Variants in EPHA5 observed in about 807,000 individuals in gnomAD.
EPHA5 encodes ephrin type-A receptor 5.
Under a neutral mutation model 105.0 loss-of-function variants are expected in EPHA5, and 60 were observed. The observed-to-expected ratio is 0.57, with a 90% CI of 0.46 to 0.71. The LOEUF (loss-of-function observed/expected upper bound fraction) is 0.71, where lower values mean the gene tolerates loss of function less well. EPHA5 is among the 30% of genes least tolerant of loss of function. The pLI is 0.00. For synonymous variants in EPHA5, 513 were observed against 449.1 expected (o/e 1.14, Z -1.80); for missense variants, 1,218 against 1,274.7 (o/e 0.96, Z 0.68).
chr4:65,328,929 A>G (rs1285620664), intron 16 of EPHA5, among the ~76,000 whole-genome samples: 3 of 151,188 alleles, frequency 2.0e-5, no homozygotes, highest in African/African-American at 7.3e-5. Flanking sequence ...CTTTCATTTT[A>G]TTAGTTTAAG....
At chr4:65,460,408 T>C (rs1400731844) in intron 5 of EPHA5, among the ~76,000 whole-genome samples, 1 of 151,124 alleles carries the variant, frequency 6.6e-6, no homozygotes, top group African/African-American at 2.4e-5. Flanking sequence ...ATGTCTCAGA[T>C]TTTTAGCTTT....
intron 7 of EPHA5, among the ~76,000 whole-genome samples, chr4:65,407,746 A>G (rs1364274544): frequency 6.6e-6 from 1 of 151,014 alleles, no homozygotes; most frequent in East Asian, 1.9e-4. Context: ...AAAGTCCTTG[A>G]TGGGTTTTAC....
chr4:65,544,933 T>A (rs1414040923), intron 3 of EPHA5, among the ~76,000 whole-genome samples: 1 of 78,616 alleles, frequency 1.3e-5, no homozygotes, highest in African/African-American at 4.7e-5. Flanking sequence ...GGGACATGGA[T>A]GAAGCTGGAA....
intron 5 of EPHA5, among the ~76,000 whole-genome samples, chr4:65,472,610 C>T (rs1438376136): frequency 1.3e-5 from 2 of 152,210 alleles, no homozygotes; most frequent in Admixed American, 1.3e-4. Context: ...TTGGGGCTTG[C>T]ACCCTCTGAA....
At chr4:65,475,064 G>T (rs1023572045) in intron 5 of EPHA5, among the ~76,000 whole-genome samples, 7 of 152,048 alleles carry the variant, frequency 4.6e-5, no homozygotes, top group African/African-American at 1.7e-4. Flanking sequence ...AAAAGATAGC[G>T]TAAACAAGTC....
At chr4:65,416,499 C>T (rs367881980) in intron 6 of EPHA5, among the ~76,000 whole-genome samples, 1 of 92,848 alleles carries the variant, frequency 1.1e-5, no homozygotes, top group African/African-American at 3.6e-5. Flanking sequence ...AAGTAAAAAA[C>T]GAAACAATTT....
At chr4:65,640,535 C>T (rs1276123652) in intron 2 of EPHA5, among the ~76,000 whole-genome samples, 1 of 152,136 alleles carries the variant, frequency 6.6e-6, no homozygotes, top group Admixed American at 6.5e-5. Context: ...ATCCACCCGC[C>T]TCGGCCTCCC....
chr4:65,335,912 A>C lies in EPHA5; in HGVS notation c.2789+20T>G. 1 of 1,568,804 alleles carries C rather than the reference A, an allele frequency of 6.4e-7. No homozygotes were observed. The highest frequency in any genetic ancestry group is 8.6e-7 in the Non-Finnish European group (1 of 1,156,930). ...TGAGTTAGCTACATTCTGGAAAATC[A>C]CTCGGATCTGGCCTTGTACCTGCAG... On this transcript the variant is annotated intron_variant, in intron 15 of 16. Coordinates refer to ENST00000613740, the MANE Select transcript of EPHA5 (RefSeq NM_001281766.3).
chr4:65,481,655 T>C (rs1261489106), intron 5 of EPHA5, among the ~76,000 whole-genome samples: 4 of 152,216 alleles, frequency 2.6e-5, no homozygotes, highest in African/African-American at 9.6e-5. Flanking sequence ...TAGTTAATAC[T>C]GAGGACTAGA....
rs147969505 is a variant in EPHA5 at position 65,602,693 on chromosome 4, A to G, written c.247-389T>C. On this transcript the variant is annotated intron_variant, in intron 2 of 16. Coordinates refer to ENST00000613740, the MANE Select transcript of EPHA5 (RefSeq NM_001281766.3). ...ATTTTGAATAAAGTTCAGCATATAC[A>G]TAAATAGGGTAGAATACAAGAAATG... 2.4e-4 allele frequency among the ~76,000 whole-genome samples: 37 copies of G among 152,300 alleles called. No individual in the cohort carries two copies. The East Asian group carries it at 6.8e-3, about 28-fold the overall frequency.
intron 5 of EPHA5, among the ~76,000 whole-genome samples, chr4:65,456,580 C>A (rs1002496442): frequency 1.3e-5 from 2 of 151,964 alleles, no homozygotes; most frequent in Non-Finnish European, 2.9e-5. Flanking sequence ...TTGAAGGAAG[C>A]CAATTAATTA....
At chr4:65,658,342 T>C (rs1749252000) in intron 1 of EPHA5, among the ~76,000 whole-genome samples, 1 of 152,062 alleles carries the variant, frequency 6.6e-6, no homozygotes, top group East Asian at 1.9e-4. Context: ...GTACTCAGGC[T>C]CAAGTAGTTA....
Position 65,495,446 on chromosome 4 carries a change from A to G in EPHA5, c.1008T>C (p.Cys336=). Reference sequence around the variant, plus strand: ...TCCTGAAATAATCCTTTTCACAGACACAAGAGGTTGAAGCTTCCTCATGGG... The same window carrying G: ...TCCTGAAATAATCCTTTTCACAGACGCAAGAGGTTGAAGCTTCCTCATGGG... The part of the protein sequence containing the change: ...SYTHEEASTS[C]VCEKDYFRRE... Residue 336 remains cysteine (C), a synonymous_variant, in exon 4 of 17, where the codon TGT becomes TGC. Coordinates refer to ENST00000613740, the MANE Select transcript of EPHA5 (RefSeq NM_001281766.3). 1 of 1,613,942 alleles carries G rather than the reference A, an allele frequency of 6.2e-7. No individual in the cohort carries two copies. Among genetic ancestry groups the G allele is most frequent in the Non-Finnish European group, 8.5e-7 (1 of 1,179,878 alleles).
At position 65,519,854 on chromosome 4, in the gene EPHA5, A is replaced by G. The variant is rs1734501778; in HGVS notation, c.911-24311T>C. On this transcript the variant is annotated intron_variant, in intron 3 of 16. Coordinates refer to ENST00000613740, the MANE Select transcript of EPHA5 (RefSeq NM_001281766.3). ...AGGACCTCTTCAAGGAGAACTACAA[A>G]CCACTGCTCAAAAAAATAAAAGAGG... Among the ~76,000 whole-genome samples the G allele has an allele frequency of 3.3e-5, 5 of 152,250 alleles. No homozygotes were observed. In the South Asian group the frequency reaches 1.0e-3, roughly 32 times the overall value.
chr4:65,463,987 C>CTATT (rs944552858), intron 5 of EPHA5, among the ~76,000 whole-genome samples: 38 of 151,914 alleles, frequency 2.5e-4, no homozygotes, highest in African/African-American at 8.7e-4. Flanking sequence ...AGCATTTCTT[C>CTATT]TATTTGTCCT....
intron 3 of EPHA5, among the ~76,000 whole-genome samples, chr4:65,536,740 T>A (rs1218818303): frequency 2.0e-5 from 3 of 149,074 alleles, no homozygotes; most frequent in Admixed American, 6.7e-5. Context: ...TAAAAATAAA[T>A]CTAAAATATA....
At position 65,496,754 on chromosome 4, in the gene EPHA5, A is replaced by G. The variant is rs548892635; in HGVS notation, c.911-1211T>C. ...CTTTGGGTACATACCCAGTAATGGG[A>G]TGGCTTATGTCTTACTCAGTTTTGC... On this transcript the variant is annotated intron_variant, in intron 3 of 16. Transcript: ENST00000613740. Among the ~76,000 whole-genome samples, 11 of 152,284 alleles carry G rather than the reference A, an allele frequency of 7.2e-5. No individual in the cohort carries two copies. The South Asian group carries it at 1.2e-3, about 17-fold the overall frequency.
chr4:65,590,116 A>G (rs774637818), intron 3 of EPHA5, among the ~76,000 whole-genome samples: 6 of 152,210 alleles, frequency 3.9e-5, no homozygotes, highest in Non-Finnish European at 7.3e-5. Context: ...AAATGGAGTT[A>G]TCCGTCAGTC....
intron 11 of EPHA5, 150 bp downstream of exon 11, chr4:65,364,867 T>C (rs1717707186): frequency 1.8e-6 from 1 of 543,816 alleles, no homozygotes. Flanking sequence ...AAGATTAGCT[T>C]TAACAAAAAT....
Sources: gnomAD v4.1 joint callset for allele counts (sites outside exome capture counted in the v4.1 genomes callset) on GRCh38, gnomAD v4.1.1 for gene constraint, MANE v1.5 for transcripts, NCBI Gene and HGNC (gene_info 2026-07-23, HGNC 2026-07-21) for gene names.